Variants in CARD6 observed in about 807,000 individuals in gnomAD.
The protein encoded by CARD6 is caspase recruitment domain-containing protein 6.
In CARD6, 27 loss-of-function variants were observed where a neutral mutation model predicts 23.6. The observed-to-expected ratio is 1.14, with a 90% CI of 0.84 to 1.58. CARD6 has a LOEUF of 1.58. CARD6 is among the 40% of genes most tolerant of loss of function. The probability of loss-of-function intolerance (pLI) is 0.00; values close to 1 mark genes in which losing one functional copy is unlikely to be tolerated. For synonymous variants in CARD6, 397 were observed against 431.8 expected (o/e 0.92, Z 1.00); for missense variants, 1,214 against 1,209.9 (o/e 1.00, Z -0.05).
intron 2 of CARD6, among the ~76,000 whole-genome samples, chr5:40,845,689 A>G (rs930474256): frequency 5.3e-5 from 8 of 152,066 alleles, no homozygotes; most frequent in Non-Finnish European, 1.0e-4. Flanking sequence ...TCCGTAGGTA[A>G]CATTCTAATA....
Position 40,841,580 on chromosome 5 carries a change from A to G in CARD6, c.198A>G (p.Lys66=), listed in dbSNP as rs774256650. ...GGAAGCTGTTAATTTTGGTACAGAA[A>G]AAGGGAGAGGCGACCTGTCAGCATT... The part of the protein sequence containing the change: ...KSRKLLILVQ[K]KGEATCQHFL... The change falls in exon 1 of 3, where the codon AAA becomes AAG. Residue 66 remains lysine, a synonymous_variant. Coordinates refer to ENST00000254691, the MANE Select transcript of CARD6 (RefSeq NM_032587.4). The G allele has an allele frequency of 9.9e-6, 16 of 1,614,142 alleles. No homozygotes were observed. The highest frequency in any genetic ancestry group is 1.7e-5 in the Admixed American group (1 of 60,016).
At position 40,852,875 on chromosome 5, in the gene CARD6, G is replaced by A. The variant is rs76751505; in HGVS notation, c.1543G>A (p.Asp515Asn). ...GATAACATGGTGTTTTCCTGATAGC[G>A]ATGATAGAAAGGAAAACCCCTTTTT... ...VEITWCFPDS[D>N]DRKENPFFQK... Residue 515 changes from aspartate to asparagine, a missense_variant, in exon 3 of 3, where the codon GAT becomes AAT. Transcript: ENST00000254691. The A allele has an allele frequency of 1.5e-4, 239 of 1,613,962 alleles. No homozygotes were observed. In the East Asian group the frequency reaches 4.3e-3, roughly 29 times the overall value.
intron 1 of CARD6, among the ~76,000 whole-genome samples, 188 bp from the exon 2 acceptor site, chr5:40,842,964 G>A (rs1745888501): frequency 6.6e-6 from 1 of 152,198 alleles, no homozygotes; most frequent in Admixed American, 6.5e-5. Context: ...CCTGAACCCG[G>A]GAGGTTGAGG....
Position 40,853,677 on chromosome 5 carries a change from G to A in CARD6, c.2345G>A (p.Ser782Asn). ...GCAGGGGCCCAGGGCCGAGGTAAAA[G>A]TTTTGGTATTCAATCCTTCCATCCC... ...QNAGAQGRGK[S>N]FGIQSFHPQI... Residue 782 changes from serine to asparagine, a missense_variant, in exon 3 of 3, where the codon AGT (serine) becomes AAT (asparagine). Ser to Asn is a conservative substitution (Grantham distance 46, BLOSUM62 1). Coordinates refer to ENST00000254691, the MANE Select transcript of CARD6 (RefSeq NM_032587.4). 6.2e-7 allele frequency: 1 copy of A among 1,614,210 alleles called. No individual in the cohort carries two copies. Among genetic ancestry groups the A allele is most frequent in the Non-Finnish European group, 8.5e-7 (1 of 1,180,028 alleles).
chr5:40,848,367 C>T (rs565028739), intron 2 of CARD6, among the ~76,000 whole-genome samples: 155 of 151,988 alleles, frequency 1.0e-3, no homozygotes, highest in Non-Finnish European at 1.0e-3. Flanking sequence ...AGGCACAGAC[C>T]GCCAGGCCTG....
Position 40,843,688 on chromosome 5 carries a change from G to T in CARD6, c.820G>T (p.Glu274Ter). 6.5e-7 allele frequency: 1 copy of T among 1,547,218 alleles called. No individual in the cohort carries two copies. The highest frequency in any genetic ancestry group is 8.7e-7 in the Non-Finnish European group (1 of 1,155,520). The change falls in exon 2 of 3, where the codon GAA (glutamate) becomes TAA (stop). Residue 274 changes from glutamate (E) to a stop codon, truncating the protein, a stop_gained. Transcript: ENST00000254691. LOFTEE classifies it low-confidence loss of function (END_TRUNC). ...GSETSLSLEE[E>*]QEKSIEERKK... ...AGAAACCAGCCTTTCATTGGAGGAG[G>T]AACAGGAGAAAAGTATAGAAGGTAT...
At position 40,853,774 on chromosome 5, in the gene CARD6, A is replaced by G; in HGVS notation, c.2442A>G (p.Thr814=). Residue 814 remains threonine (T), a synonymous_variant, in exon 3 of 3, where the codon ACA becomes ACG. Transcript: ENST00000254691. ...RVARGCHSNG[T]FGRLPRPICQ... is the part of the protein sequence containing the mutation. Reference sequence around the variant, plus strand: ...CTCGGGGATGTCACTCGAATGGAACATTTGGGAGACTGCCAAGACCCATTT... The same window carrying G: ...CTCGGGGATGTCACTCGAATGGAACGTTTGGGAGACTGCCAAGACCCATTT... 1 of 1,614,218 alleles carries G rather than the reference A, an allele frequency of 6.2e-7. No homozygotes were observed. The highest frequency in any genetic ancestry group is 8.5e-7 in the Non-Finnish European group (1 of 1,180,042).
chr5:40,841,726 A>G, intron 1 of CARD6, 61 bp downstream of exon 1: 2 of 1,337,066 alleles, frequency 1.5e-6, no homozygotes, highest in Non-Finnish European at 2.0e-6. Flanking sequence ...CTGAAAAAGA[A>G]AACAAAATGA....
At position 40,852,584 on chromosome 5, in the gene CARD6, A is replaced by C; in HGVS notation, c.1252A>C (p.Ile418Leu). Reference sequence around the variant, plus strand: ...GCCAGATGCAGAAAACAACAAAAGCATCTTAATGCTGGGGGCCATGAAAGA... The same window carrying C: ...GCCAGATGCAGAAAACAACAAAAGCCTCTTAATGCTGGGGGCCATGAAAGA... ...LLPDAENNKS[I>L]LMLGAMKDIV... Residue 418 changes from isoleucine to leucine, a missense_variant, in exon 3 of 3, where the codon ATC becomes CTC. Transcript: ENST00000254691. The C allele has an allele frequency of 1.2e-6, 2 of 1,614,216 alleles. No homozygotes were observed. The highest frequency in any genetic ancestry group is 1.7e-6 in the Non-Finnish European group (2 of 1,180,036).
In CARD6 at chr5:40,853,076, G is replaced by A; in HGVS notation, c.1744G>A (p.Val582Ile). ...GEAAIERCYF[V>I]LSSQARESEE... The stretch of plus-strand genomic sequence containing the variant: ...GGCTGCCATTGAAAGATGCTACTTT[G>A]TTCTCAGTTCCCAAGCCAGGGAGAG... Residue 582 changes from valine to isoleucine, a missense_variant, in exon 3 of 3, where the codon GTT becomes ATT. Val to Ile is a conservative substitution (Grantham distance 29). Coordinates refer to ENST00000254691, the MANE Select transcript of CARD6 (RefSeq NM_032587.4). The A allele has an allele frequency of 1.2e-6, 2 of 1,614,132 alleles. No homozygotes were observed. Among genetic ancestry groups the A allele is most frequent in the Non-Finnish European group, 1.7e-6 (2 of 1,180,018 alleles).
At chr5:40,842,379 C>G (rs916517993) in intron 1 of CARD6, among the ~76,000 whole-genome samples, 1 of 152,082 alleles carries the variant, frequency 6.6e-6, no homozygotes, top group East Asian at 1.9e-4. Flanking sequence ...GTTAGTGATA[C>G]CTAATTTAGG....
chr5:40,841,587 G>A lies in CARD6; in HGVS notation c.205G>A (p.Glu69Lys). ...KLLILVQKKG[E>K]ATCQHFLKCL... ...GTTAATTTTGGTACAGAAAAAGGGA[G>A]AGGCGACCTGTCAGCATTTTCTCAA... Residue 69 changes from glutamate (E) to lysine (K), a missense_variant, in exon 1 of 3, where the codon GAG becomes AAG. Transcript: ENST00000254691. 6.2e-7 allele frequency: 1 copy of A among 1,614,122 alleles called. No individual in the cohort carries two copies. Among genetic ancestry groups the A allele is most frequent in the Non-Finnish European group, 8.5e-7 (1 of 1,180,014 alleles).
rs1443520464 is a variant in CARD6 at position 40,853,207 on chromosome 5, T to C, written c.1875T>C (p.Leu625=). 1 of 1,614,174 alleles carries C rather than the reference T, an allele frequency of 6.2e-7. No homozygotes were observed. Residue 625 remains leucine, a synonymous_variant, in exon 3 of 3, where the codon CTT becomes CTC. Transcript: ENST00000254691. ...ATAGAAGGAAGAACATGGAGGGCCT[T>C]CAAGCTGCCCTCCAGGAAGTGATGT... is the stretch of plus-strand genomic sequence containing the variant. ...AGDRRKNMEG[L]QAALQEVMFS...
At chr5:40,851,073 C>T (rs909554027) in intron 2 of CARD6, among the ~76,000 whole-genome samples, 10 of 152,160 alleles carry the variant, frequency 6.6e-5, no homozygotes, top group Non-Finnish European at 1.5e-5. Context: ...GTGGCTCATG[C>T]CTGTAATCCC....
At chr5:40,845,905 G>T (rs1745958589) in intron 2 of CARD6, among the ~76,000 whole-genome samples, 1 of 152,082 alleles carries the variant, frequency 6.6e-6, no homozygotes, top group South Asian at 2.1e-4. Flanking sequence ...GGGCAGTTCT[G>T]CTGGTCTTCC....
chr5:40,853,471 G>T lies in CARD6; in HGVS notation c.2139G>T (p.Gln713His). 1 of 1,614,188 alleles carries T rather than the reference G, an allele frequency of 6.2e-7. No individual in the cohort carries two copies. The highest frequency in any genetic ancestry group is 8.5e-7 in the Non-Finnish European group (1 of 1,180,032). ...QEPGTQCELSQNLQNLYGTPV... is the reference protein window; with the variant it reads ...QEPGTQCELSHNLQNLYGTPV... The stretch of plus-strand genomic sequence containing the variant: ...CTGGGACTCAATGTGAGCTCAGCCA[G>T]AATCTTCAGAATCTCTATGGTACCC... The change falls in exon 3 of 3, where the codon CAG (glutamine) becomes CAT (histidine). Residue 713 changes from glutamine (Q) to histidine (H), a missense_variant. Transcript: ENST00000254691.
Position 40,852,530 on chromosome 5 carries a change from C to G in CARD6, c.1198C>G (p.Gln400Glu), listed in dbSNP as rs753198481. 2 of 1,614,126 alleles carry G rather than the reference C, an allele frequency of 1.2e-6. No homozygotes were observed. The change falls in exon 3 of 3, where the codon CAG becomes GAG. Residue 400 changes from glutamine to glutamate, a missense_variant. Transcript: ENST00000254691. ...ACGCCAAGTCATGTCAAACATGTAT[C>G]AGTGCCAGTTTGCTCTTCCCCTGCT... The part of the protein sequence containing the change: ...LQRQVMSNMY[Q>E]CQFALPLLLP...
chr5:40,849,095 C>A (rs1746014340), intron 2 of CARD6, among the ~76,000 whole-genome samples: 2 of 152,048 alleles, frequency 1.3e-5, no homozygotes, highest in Non-Finnish European at 2.9e-5. Context: ...CTCCTGGGTT[C>A]AAGTGATTCT....
intron 2 of CARD6, among the ~76,000 whole-genome samples, chr5:40,846,865 G>A (rs1252303376): frequency 6.6e-6 from 1 of 152,056 alleles, no homozygotes; most frequent in Non-Finnish European, 1.5e-5. Context: ...ATCTTTTTGA[G>A]GGGGACAAAA....
Sources: gnomAD v4.1 joint callset for allele counts (sites outside exome capture counted in the v4.1 genomes callset) on GRCh38, gnomAD v4.1.1 for gene constraint, MANE v1.5 for transcripts, NCBI Gene and HGNC (gene_info 2026-07-23, HGNC 2026-07-21) for gene names.